The following TXNDC11 variants were observed in gnomAD, a reference collection of about 807,000 sequenced individuals.
TXNDC11 encodes thioredoxin domain containing 11.
Under a neutral mutation model 78.0 loss-of-function variants are expected in TXNDC11, and 68 were observed. The observed-to-expected ratio is 0.87, with a 90% confidence interval of 0.72 to 1.07. The LOEUF (loss-of-function observed/expected upper bound fraction) is 1.07, where lower values mean the gene tolerates loss of function less well. Among genes scored for constraint, TXNDC11 ranks in the 50% least tolerant of loss-of-function variants. TXNDC11 has a pLI of 0.00. For synonymous variants in TXNDC11, 571 were observed against 495.2 expected, an observed-to-expected ratio of 1.15 and a Z score of -2.03; for missense variants, 1,389 against 1,221.8, an observed-to-expected ratio of 1.14 and a Z score of -2.04.
At chr16:11,684,288 G>A in intron 10 of TXNDC11, 43 bp from the exon 11 acceptor site, 2 of 1,457,136 alleles carry the variant, frequency 1.4e-6, no homozygotes, top group Admixed American at 3.5e-5. Flanking sequence ...ATCAGCCCAA[G>A]AAACACCAAC....
At chr16:11,731,528 G>A (rs1227479423) in intron 3 of TXNDC11, among the ~76,000 whole-genome samples, 2 of 152,144 alleles carry the variant, frequency 1.3e-5, no homozygotes, top group Non-Finnish European at 2.9e-5. Context: ...ATGGTAGGTG[G>A]CAAGGGTTGG....
In TXNDC11 at chr16:11,692,010, G is replaced by T; in HGVS notation, c.1180C>A (p.Arg394=). 1 of 1,572,042 alleles carries T rather than the reference G, an allele frequency of 6.4e-7. No individual in the cohort carries two copies. The highest frequency in any genetic ancestry group is 8.6e-7 in the Non-Finnish European group (1 of 1,158,004). ...QVVERLLQHL[R]RVDAPVLESL... The stretch of plus-strand genomic sequence containing the variant: ...TCCAGCACTGGAGCATCCACCCGCC[G>T]CAGGTGCTGAAGGAGACGCTCCACC... Residue 394 remains arginine (R), a synonymous_variant, in exon 8 of 12, where the codon CGG becomes AGG. Transcript: ENST00000283033.
At position 11,679,531 on chromosome 16, in the gene TXNDC11, C is replaced by G; in HGVS notation, c.2541G>C (p.Glu847Asp). 1 of 1,613,452 alleles carries G rather than the reference C, an allele frequency of 6.2e-7. No homozygotes were observed. The highest frequency in any genetic ancestry group is 8.5e-7 in the Non-Finnish European group (1 of 1,180,020). ...TGTGTGCGTGGAGCAGGCTGTGCTG[C>G]TCTTCCAGGGCCCGCTGCTGCTGCC... ...RLRQQQRALEEQHSLLHAHSE... is the reference protein window; with the variant it reads ...RLRQQQRALEDQHSLLHAHSE... Residue 847 changes from glutamate (E) to aspartate (D), a missense_variant, in exon 12 of 12, where the codon GAG becomes GAC. Physicochemically the swap from Glu to Asp is conservative, Grantham distance 45. Transcript: ENST00000283033. The surrounding 1 kb of genome is among the most constrained non-coding windows in gnomAD (Gnocchi z 4.6).
chr16:11,688,302 C>G lies in TXNDC11; in HGVS notation c.2043+1G>C. ...AACTTTTGCCTCTCATGACTCCATACCTGTTTTTGAAGGACTACTTCCCAA... is the reference window on the plus strand; with the variant it reads ...AACTTTTGCCTCTCATGACTCCATAGCTGTTTTTGAAGGACTACTTCCCAA... On this transcript the variant is annotated splice_donor_variant, in intron 9 of 11. Coordinates refer to ENST00000283033, the MANE Select transcript of TXNDC11 (RefSeq NM_015914.7). LOFTEE classifies it high-confidence loss of function. 6.2e-7 allele frequency: 1 copy of G among 1,613,222 alleles called. No homozygotes were observed. Among genetic ancestry groups the G allele is most frequent in the South Asian group, 1.1e-5 (1 of 90,964 alleles).
intron 2 of TXNDC11, 75 bp from the exon 3 acceptor site, chr16:11,734,154 T>A: frequency 9.9e-7 from 1 of 1,010,338 alleles, no homozygotes. Context: ...AAGATGAAAT[T>A]TAAAAATAGA....
At chr16:11,687,782 C>T in intron 10 of TXNDC11, 75 bp downstream of exon 10, 1 of 1,018,698 alleles carries the variant, frequency 9.8e-7, no homozygotes, top group South Asian at 1.4e-5. Flanking sequence ...GACCCTCACA[C>T]ACCATATGGC....
At chr16:11,702,887 T>TC (rs1229381285) in intron 5 of TXNDC11, among the ~76,000 whole-genome samples, 12 of 152,292 alleles carry the variant, frequency 7.9e-5, no homozygotes, top group Middle Eastern at 3.4e-3. Flanking sequence ...AGTATGTCCC[T>TC]ACTGCCAGAG....
intron 5 of TXNDC11, 121 bp from the exon 6 acceptor site, chr16:11,700,685 C>T (rs2141031923): frequency 1.7e-6 from 1 of 577,950 alleles, no homozygotes; most frequent in Non-Finnish European, 3.1e-6. Context: ...GTAACCTAGC[C>T]TAGAGAGGGA....
chr16:11,679,412 A>G lies in TXNDC11; in HGVS notation c.2660T>C (p.Leu887Pro). The change falls in exon 12 of 12, where the codon CTC becomes CCC. Residue 887 changes from leucine to proline, a missense_variant. Physicochemically the swap from Leu to Pro is moderately conservative, Grantham distance 98. Coordinates refer to ENST00000283033, the MANE Select transcript of TXNDC11 (RefSeq NM_015914.7). This position sits in a 1 kb window ranked among gnomAD's most constrained non-coding sequence, Gnocchi z 4.6. ...CTTGAGCCACGTGTTCTCGGTAAGGAGGTTTTCTGAGGCATCGGCCAGCTC... is the reference window on the plus strand; with the variant it reads ...CTTGAGCCACGTGTTCTCGGTAAGGGGGTTTTCTGAGGCATCGGCCAGCTC... Reference protein sequence around the residue: ...LQELADASENLLTENTWLKIL... With the variant: ...LQELADASENPLTENTWLKIL... 6.2e-7 allele frequency: 1 copy of G among 1,612,628 alleles called. No homozygotes were observed. Among genetic ancestry groups the G allele is most frequent in the South Asian group, 1.1e-5 (1 of 91,012 alleles).
In TXNDC11 at chr16:11,726,914, G is replaced by A. The variant is rs567632659; in HGVS notation, c.699+3731C>T. ...ACTAAAAATACAAAAACAGCCAGGCGTGGAGGCACATGCCTGTAATCCCAG... is the reference window on the plus strand; with the variant it reads ...ACTAAAAATACAAAAACAGCCAGGCATGGAGGCACATGCCTGTAATCCCAG... On this transcript the variant is annotated intron_variant, in intron 4 of 11. Coordinates refer to ENST00000283033, the MANE Select transcript of TXNDC11 (RefSeq NM_015914.7). Among the ~76,000 whole-genome samples, 10 of 152,050 alleles carry A rather than the reference G, an allele frequency of 6.6e-5. No individual in the cohort carries two copies. The South Asian group carries it at 1.0e-3, about 16-fold the overall frequency.
At chr16:11,699,440 G>A (rs575114944) in intron 6 of TXNDC11, among the ~76,000 whole-genome samples, 3 of 152,346 alleles carry the variant, frequency 2.0e-5, no homozygotes, top group Admixed American at 6.5e-5. Context: ...CACAAGGAGC[G>A]TAGGTGGGCA....
chr16:11,717,517 C>G (rs546856972), intron 5 of TXNDC11, among the ~76,000 whole-genome samples: 10 of 133,760 alleles, frequency 7.5e-5, no homozygotes, highest in African/African-American at 2.8e-4. Flanking sequence ...ATAATAATAA[C>G]AGAAGTAAAA....
chr16:11,691,541 G>T lies in TXNDC11; in HGVS notation c.1649C>A (p.Pro550His), dbSNP rs764924235. 2 of 1,614,230 alleles carry T rather than the reference G, an allele frequency of 1.2e-6. No individual in the cohort carries two copies. Among genetic ancestry groups the T allele is most frequent in the Non-Finnish European group, 1.7e-6 (2 of 1,180,046 alleles). Reference protein sequence around the residue: ...KCEVDAPSSVPHIEENRYLFP... With the variant: ...KCEVDAPSSVHHIEENRYLFP... ...GAGATACCTGTTCTCCTCAATGTGA[G>T]GAACGGAGCTTGGGGCATCAACCTC... The change falls in exon 8 of 12, where the codon CCT (proline) becomes CAT (histidine). Residue 550 changes from proline (P) to histidine (H), a missense_variant. Transcript: ENST00000283033.
At chr16:11,722,057 C>T (rs774831388) in intron 4 of TXNDC11, among the ~76,000 whole-genome samples, 7 of 152,196 alleles carry the variant, frequency 4.6e-5, no homozygotes, top group Non-Finnish European at 1.0e-4. Context: ...TCCAGACAAG[C>T]AATGGCAATA....
chr16:11,734,315 C>A (rs541231130), intron 2 of TXNDC11, among the ~76,000 whole-genome samples: 1 of 152,180 alleles, frequency 6.6e-6, no homozygotes, highest in African/African-American at 2.4e-5. Context: ...TCTTACCATG[C>A]AATACAGTTC....
chr16:11,714,401 G>C (rs1480991867), intron 5 of TXNDC11, among the ~76,000 whole-genome samples: 1 of 152,192 alleles, frequency 6.6e-6, no homozygotes, highest in Admixed American at 6.5e-5. Context: ...AGCACTTTGG[G>C]AGGCCGAGGT....
intron 4 of TXNDC11, among the ~76,000 whole-genome samples, chr16:11,723,004 C>G (rs923147645): frequency 2.0e-5 from 3 of 152,114 alleles, no homozygotes; most frequent in Admixed American, 1.3e-4. Flanking sequence ...CACTTGTAAT[C>G]GCAGCACTTT....
chr16:11,682,692 A>T (rs1345296940), intron 11 of TXNDC11, among the ~76,000 whole-genome samples: 1 of 152,218 alleles, frequency 6.6e-6, no homozygotes, highest in Non-Finnish European at 1.5e-5. Flanking sequence ...CACACAGATG[A>T]AAGTGTTAGT....
At chr16:11,704,966 G>A (rs1353365969) in intron 5 of TXNDC11, among the ~76,000 whole-genome samples, 1 of 151,462 alleles carries the variant, frequency 6.6e-6, no homozygotes, top group African/African-American at 2.4e-5. Context: ...CTGGAGTACA[G>A]TGGTGCATCT....
Sources: gnomAD v4.1 joint callset for allele counts (sites outside exome capture counted in the v4.1 genomes callset) on GRCh38, gnomAD v4.1.1 for gene constraint, Gnocchi (gnomAD v3.1) non-coding constraint, MANE v1.5 for transcripts, NCBI Gene and HGNC (gene_info 2026-07-23, HGNC 2026-07-21) for gene names.